MON2: variants seen among roughly 807,000 people sequenced by gnomAD.
MON2 encodes the protein protein MON2 homolog.
A neutral mutation model predicts 208.6 loss-of-function variants in MON2; 84 were observed. The ratio of observed to expected loss-of-function variants is 0.40; its 90% CI spans 0.34 to 0.48. MON2 has a LOEUF of 0.48. Ranked by LOEUF, MON2 falls within the 20% of genes least tolerant of loss-of-function variation. The probability of loss-of-function intolerance (pLI) is 0.59; values close to 1 mark genes in which losing one functional copy is unlikely to be tolerated. For missense variants in MON2, 1,611 were observed against 2,015.4 expected, an observed-to-expected ratio of 0.80 and a Z score of 3.84; for synonymous variants, 660 against 694.0, an observed-to-expected ratio of 0.95 and a Z score of 0.77.
At chr12:62,519,608 T>C (rs2071898230) in intron 8 of MON2, among the ~76,000 whole-genome samples, 1 of 152,228 alleles carries the variant, frequency 6.6e-6, no homozygotes, top group South Asian at 2.1e-4. Context: ...CAAATGTAAA[T>C]GTCTTGAATG....
chr12:62,554,094 T>C (rs1432324815), intron 24 of MON2, among the ~76,000 whole-genome samples: 1 of 152,228 alleles, frequency 6.6e-6, no homozygotes, highest in Non-Finnish European at 1.5e-5. Flanking sequence ...ATCACAAACA[T>C]GCTTAATTCT....
At position 62,508,605 on chromosome 12, in the gene MON2, C is replaced by T. The variant is rs556817946; in HGVS notation, c.984+125C>T. The T allele has an allele frequency of 1.4e-4, 101 of 739,070 alleles. 1 individual carries two copies. Among genetic ancestry groups the T allele is most frequent in the South Asian group, 1.0e-3 (62 of 60,698 alleles). 45.8% of individuals were successfully genotyped at this position (739,070 alleles called of 1,614,324 possible). A position where few individuals can be genotyped will look rare whatever the true frequency, so the allele number is the denominator to read the frequency against. On this transcript the variant is annotated intron_variant, in intron 8 of 34. Transcript: ENST00000393630. ...TCAACAGAATTTTTTTGAGTACCTA[C>T]GTGTAGTCTAGGTACTCTAAAGGTT... is the stretch of plus-strand genomic sequence containing the variant.
At chr12:62,470,724 G>C in intron 1 of MON2, 1 of 1,169,810 alleles carries the variant, frequency 8.5e-7, no homozygotes, top group Non-Finnish European at 1.1e-6. Context: ...GTATCTAACT[G>C]AGCCTGGAAG....
chr12:62,474,123 T>TC, intron 1 of MON2, among the ~76,000 whole-genome samples: 1 of 151,570 alleles, frequency 6.6e-6, no homozygotes, highest in South Asian at 2.1e-4. Flanking sequence ...TCTTTTCTTT[T>TC]TTTTTTTTTT....
In MON2 at chr12:62,525,965, T is replaced by C; in HGVS notation, c.1263T>C (p.Gly421=). The C allele has an allele frequency of 6.2e-7, 1 of 1,612,964 alleles. No homozygotes were observed. Residue 421 remains glycine (G), a synonymous_variant, in exon 11 of 35, where the codon GGT becomes GGC. Coordinates refer to ENST00000393630, the MANE Select transcript of MON2 (RefSeq NM_015026.3). The stretch of plus-strand genomic sequence containing the variant: ...CTCTAACAGGAAACAATAATTTAGG[T>C]GGCTCAGTCTCAGCACCAGCTAACT... ...TSNQAGNNNL[G]GSVSAPANSG...
rs377109749 is a variant in MON2, at chr12:62,504,655, A to G, written c.789+2957A>G. On this transcript the variant is annotated intron_variant, in intron 7 of 34. Coordinates refer to ENST00000393630, the MANE Select transcript of MON2 (RefSeq NM_015026.3). ...AGATCCTAGAATTTCATCCTGTACA[A>G]TTTTCTTCCAGAGATACGTATTTGT... 2.6e-5 allele frequency among the ~76,000 whole-genome samples: 4 copies of G among 151,148 alleles called. No individual in the cohort carries two copies. In the South Asian group the frequency reaches 6.3e-4, roughly 24 times the overall value.
intron 1 of MON2, among the ~76,000 whole-genome samples, chr12:62,471,556 T>A (rs1453453982): frequency 6.6e-6 from 1 of 152,156 alleles, no homozygotes; most frequent in Non-Finnish European, 1.5e-5. Flanking sequence ...AAAATGATGG[T>A]TTGGCACTTA....
intron 12 of MON2, among the ~76,000 whole-genome samples, chr12:62,532,913 A>G (rs1195037479): frequency 6.6e-6 from 1 of 152,162 alleles, no homozygotes; most frequent in Admixed American, 6.5e-5. Context: ...ATTTTTTCAA[A>G]ATAAGGTTAG....
At chr12:62,539,437 T>C (rs2136246522) in intron 19 of MON2, among the ~76,000 whole-genome samples, 1 of 151,688 alleles carries the variant, frequency 6.6e-6, no homozygotes, top group Admixed American at 6.6e-5. Flanking sequence ...CTAATTTTTT[T>C]ATTGTATTTT....
chr12:62,551,601 C>G (rs1026176657), intron 23 of MON2, among the ~76,000 whole-genome samples: 1 of 152,006 alleles, frequency 6.6e-6, no homozygotes, highest in Admixed American at 6.6e-5. Context: ...TGGAAAAAAA[C>G]GGTACCAACA....
chr12:62,542,583 C>T (rs978944835), intron 19 of MON2, among the ~76,000 whole-genome samples: 2 of 152,106 alleles, frequency 1.3e-5, no homozygotes, highest in Admixed American at 1.3e-4. Flanking sequence ...ACCCTGGTTC[C>T]CTTTCTGATT....
At chr12:62,471,926 T>C (rs2068808900) in intron 1 of MON2, among the ~76,000 whole-genome samples, 1 of 152,054 alleles carries the variant, frequency 6.6e-6, no homozygotes, top group Non-Finnish European at 1.5e-5. Context: ...GAGCGACAAG[T>C]TGTGGGCAGT....
intron 32 of MON2, 46 bp from the exon 33 acceptor site, chr12:62,585,248 C>T (rs1186260685): frequency 7.0e-7 from 1 of 1,434,784 alleles, no homozygotes; most frequent in Non-Finnish European, 9.7e-7. Flanking sequence ...CATTAAAGCT[C>T]ATTGATTTAA....
chr12:62,514,494 G>C (rs1219280083), intron 8 of MON2, among the ~76,000 whole-genome samples: 4 of 152,180 alleles, frequency 2.6e-5, no homozygotes, highest in Admixed American at 2.6e-4. Context: ...ACAAATGGTG[G>C]TAGACACAAG....
At chr12:62,551,776 G>A (rs913462603) in intron 23 of MON2, among the ~76,000 whole-genome samples, 22 of 152,220 alleles carry the variant, frequency 1.4e-4, no homozygotes, top group African/African-American at 4.8e-4. Context: ...GCACAGAATT[G>A]TTTTCAACAT....
At position 62,525,007 on chromosome 12, in the gene MON2, T is replaced by C. The variant is rs1187884399; in HGVS notation, c.1110-77T>C. On this transcript the variant is annotated intron_variant, in intron 9 of 34. Transcript: ENST00000393630. The stretch of plus-strand genomic sequence containing the variant: ...TAGTTTGGTAACTCTTATAGTAATA[T>C]CACTTGCTATAAAAAGGTTTACAGT... The C allele has an allele frequency of 4.1e-6, 5 of 1,213,840 alleles. No individual in the cohort carries two copies. In the East Asian group the frequency reaches 1.2e-4, roughly 29 times the overall value. 75.2% of individuals were successfully genotyped at this position (1,213,840 alleles called of 1,614,324 possible).
In MON2 at chr12:62,494,142, C is replaced by A. The variant is rs572037885; in HGVS notation, c.303+100C>A. 3.5e-5 allele frequency: 39 copies of A among 1,126,816 alleles called. No individual in the cohort carries two copies. The African/African-American group carries it at 5.6e-4, about 16-fold the overall frequency. 69.8% of individuals were successfully genotyped at this position (1,126,816 alleles called of 1,614,324 possible). A position where few individuals can be genotyped will look rare whatever the true frequency, so the allele number is the denominator to read the frequency against. On this transcript the variant is annotated intron_variant, in intron 3 of 34. Transcript: ENST00000393630. ...CCTGATATTTAATATAAAACTTTTA[C>A]AAATAGCAATGTGCTCGGAGAAAAT...
chr12:62,551,782 A>G (rs1348580167), intron 23 of MON2, among the ~76,000 whole-genome samples: 1 of 152,232 alleles, frequency 6.6e-6, no homozygotes, highest in East Asian at 1.9e-4. Context: ...AATTGTTTTC[A>G]ACATATATTT....
At chr12:62,496,033 T>C (rs2136058598) in intron 4 of MON2, among the ~76,000 whole-genome samples, 1 of 152,214 alleles carries the variant, frequency 6.6e-6, no homozygotes, top group East Asian at 1.9e-4. Flanking sequence ...TCTAAGGAAT[T>C]TTTTAGACTC....
Sources: allele counts gnomAD v4.1 joint callset (sites outside exome capture counted in the v4.1 genomes callset), GRCh38; gene constraint gnomAD v4.1.1; transcripts MANE v1.5; gene names NCBI Gene and HGNC (gene_info 2026-07-23, HGNC 2026-07-21).